Variants in MBNL1 observed in about 807,000 individuals in gnomAD.
The protein encoded by MBNL1 is muscleblind like splicing regulator 1.
A neutral mutation model predicts 42.2 loss-of-function variants in MBNL1; 8 were observed. The observed-to-expected ratio is 0.19, with a 90% CI of 0.11 to 0.34. MBNL1 has a LOEUF of 0.34. Ranked by LOEUF, MBNL1 falls within the 10% of genes least tolerant of loss-of-function variation. The pLI is 1.00. For synonymous variants in MBNL1, 169 were observed against 173.9 expected, an observed-to-expected ratio of 0.97 and a Z score of 0.22; for missense variants, 309 against 495.3, an observed-to-expected ratio of 0.62 and a Z score of 3.57.
chr3:152,454,398 C>G (rs937956966), intron 6 of MBNL1, among the ~76,000 whole-genome samples: 6 of 152,100 alleles, frequency 3.9e-5, no homozygotes, highest in African/African-American at 1.2e-4. Context: ...ATGTTCGTCC[C>G]AGATGCTGCT....
intron 2 of MBNL1, among the ~76,000 whole-genome samples, chr3:152,397,838 G>A (rs2098043328): frequency 6.6e-6 from 1 of 152,128 alleles, no homozygotes; most frequent in African/African-American, 2.4e-5. Context: ...GCAAAAATCA[G>A]TAGTCTGTAA....
Position 152,397,728 on chromosome 3 carries a change from T to C in MBNL1, c.175-17213T>C, listed in dbSNP as rs535241843. 7.9e-5 allele frequency among the ~76,000 whole-genome samples: 12 copies of C among 152,300 alleles called. 1 individual carries two copies. The South Asian group carries it at 2.3e-3, about 29-fold the overall frequency. Reference sequence around the variant, plus strand: ...TAAAATAACCCTATTGACTAACATATTATAAATATTTTCCTACTGTGTGTC... The same window carrying C: ...TAAAATAACCCTATTGACTAACATACTATAAATATTTTCCTACTGTGTGTC... On this transcript the variant is annotated intron_variant, in intron 2 of 9. Coordinates refer to ENST00000324210, the MANE Select transcript of MBNL1 (RefSeq NM_021038.5).
chr3:152,289,088 GT>G (rs1405484245), intron 1 of MBNL1, among the ~76,000 whole-genome samples: 3 of 151,072 alleles, frequency 2.0e-5, no homozygotes, highest in Non-Finnish European at 4.4e-5. Flanking sequence ...TTTTCTTAAA[GT>G]TTTTTATTCT....
chr3:152,370,830 C>T (rs1273261486), intron 2 of MBNL1, among the ~76,000 whole-genome samples: 1 of 150,426 alleles, frequency 6.6e-6, no homozygotes, highest in Non-Finnish European at 1.5e-5. Flanking sequence ...ATTGCAACCC[C>T]TGCTTTTTTT....
chr3:152,347,373 A>G (rs991355621), intron 2 of MBNL1, among the ~76,000 whole-genome samples: 3 of 152,174 alleles, frequency 2.0e-5, no homozygotes, highest in Non-Finnish European at 4.4e-5. Context: ...ATATATTTTT[A>G]TAGAACCTCA....
chr3:152,270,562 A>G (rs1180096933), intron 1 of MBNL1, among the ~76,000 whole-genome samples: 1 of 152,204 alleles, frequency 6.6e-6, no homozygotes, highest in Admixed American at 6.5e-5. Flanking sequence ...CCAGAGAGAA[A>G]ATGAAAGTTC....
intron 2 of MBNL1, among the ~76,000 whole-genome samples, chr3:152,330,904 A>T (rs952278712): frequency 6.6e-6 from 1 of 152,084 alleles, no homozygotes; most frequent in Admixed American, 6.6e-5. Context: ...CTTGGAATGT[A>T]TTCCCCATAG....
chr3:152,307,015 A>T (rs960011115), intron 2 of MBNL1, among the ~76,000 whole-genome samples: 1 of 152,194 alleles, frequency 6.6e-6, no homozygotes, highest in African/African-American at 2.4e-5. Flanking sequence ...TTTGAGACAG[A>T]GTCTTACTCT....
At chr3:152,285,592 A>G (rs940608853) in intron 1 of MBNL1, among the ~76,000 whole-genome samples, 2 of 145,688 alleles carry the variant, frequency 1.4e-5, no homozygotes, top group Non-Finnish European at 3.0e-5. Flanking sequence ...GTAAATTTCT[A>G]TGCTTGGCTT....
chr3:152,380,365 A>C (rs1319096230), intron 2 of MBNL1, among the ~76,000 whole-genome samples: 1 of 152,110 alleles, frequency 6.6e-6, no homozygotes, highest in African/African-American at 2.4e-5. Flanking sequence ...GTTTCCTTGT[A>C]TCTAAACTCA....
chr3:152,388,184 A>G (rs897735346), intron 2 of MBNL1, among the ~76,000 whole-genome samples: 2 of 152,134 alleles, frequency 1.3e-5, no homozygotes, highest in East Asian at 1.9e-4. Context: ...GGAAATTTTC[A>G]TCAGGTGCTC....
At chr3:152,268,804 G>T, upstream of MBNL1, 1 of 453,656 alleles carries the variant, frequency 2.2e-6, no homozygotes, top group South Asian at 1.6e-5. Context: ...TCGCCGCCGC[G>T]TGCATTAGGA....
intron 3 of MBNL1, among the ~76,000 whole-genome samples, chr3:152,427,861 G>C (rs1293663328): frequency 6.6e-6 from 1 of 150,402 alleles, no homozygotes; most frequent in Non-Finnish European, 1.5e-5. Flanking sequence ...TAAAATTTGT[G>C]ATCTGTGAAT....
chr3:152,318,290 T>A (rs1467328276), intron 2 of MBNL1, among the ~76,000 whole-genome samples: 2 of 152,216 alleles, frequency 1.3e-5, no homozygotes, highest in Non-Finnish European at 1.5e-5. Flanking sequence ...AGTGGTTTGA[T>A]CATTAAAATG....
intron 2 of MBNL1, chr3:152,338,007 T>C: frequency 1.2e-6 from 1 of 842,936 alleles, no homozygotes; most frequent in Non-Finnish European, 1.4e-6. Context: ...TTTGTATTTG[T>C]AAATTAAATA....
At chr3:152,458,848 C>T (rs1739150722) in intron 8 of MBNL1, 1 of 153,982 alleles carries the variant, frequency 6.5e-6, no homozygotes, top group African/African-American at 2.4e-5. Flanking sequence ...AAAAGTTAGA[C>T]ACCCTAATTT....
rs779678667 is a variant in MBNL1 at position 152,414,982 on chromosome 3, C to T, written c.216C>T (p.Pro72=). The T allele has an allele frequency of 6.2e-7, 1 of 1,608,098 alleles. No individual in the cohort carries two copies. The highest frequency in any genetic ancestry group is 1.7e-5 in the Admixed American group (1 of 58,354). The part of the protein sequence containing the change: ...SRENCKYLHP[P]PHLKTQLEIN... The stretch of plus-strand genomic sequence containing the variant: ...AGAACTGCAAATATCTTCATCCACC[C>T]CCACATTTAAAAACGCAGTTGGAGA... The change falls in exon 3 of 10, where the codon CCC becomes CCT. Residue 72 remains proline, a synonymous_variant. Transcript: ENST00000324210.
chr3:152,459,087 T>C, intron 8 of MBNL1, 184 bp from the exon 9 acceptor site: 1 of 441,404 alleles, frequency 2.3e-6, no homozygotes, highest in Non-Finnish European at 4.1e-6. Flanking sequence ...ATGAAGATTT[T>C]AAAGTTAGTT....
At chr3:152,323,843 G>A (rs919441257) in intron 2 of MBNL1, among the ~76,000 whole-genome samples, 26 of 152,150 alleles carry the variant, frequency 1.7e-4, no homozygotes, top group African/African-American at 6.0e-4. Context: ...GTTGACTGAA[G>A]CGTTGTTATA....
Sources: gnomAD v4.1 joint callset for allele counts (sites outside exome capture counted in the v4.1 genomes callset) on GRCh38, gnomAD v4.1.1 for gene constraint, MANE v1.5 for transcripts, NCBI Gene and HGNC (gene_info 2026-07-23, HGNC 2026-07-21) for gene names.